Variants in STAB2 observed in about 807,000 individuals in gnomAD.
The protein encoded by STAB2 is stabilin 2, also known as stabilin-2.
STAB2 carries 288 observed loss-of-function variants against 338.1 expected under a neutral mutation model. The observed-to-expected ratio is 0.85, with a 90% confidence interval of 0.77 to 0.94. The LOEUF (loss-of-function observed/expected upper bound fraction) is 0.94, where lower values mean the gene tolerates loss of function less well. Among genes scored for constraint, STAB2 ranks in the 40% least tolerant of loss-of-function variants. STAB2 has a pLI of 0.00. For missense variants in STAB2, 3,141 were observed against 3,210.1 expected (o/e 0.98, Z 0.52); for synonymous variants, 1,202 against 1,193.3 (o/e 1.01, Z -0.15).
At chr12:103,589,393 G>C (rs1243871997) in intron 1 of STAB2, among the ~76,000 whole-genome samples, 5 of 152,172 alleles carry the variant, frequency 3.3e-5, no homozygotes. Context: ...AAATGTGTTG[G>C]TAATGTCTTT....
intron 63 of STAB2, among the ~76,000 whole-genome samples, chr12:103,757,533 T>TG (rs960965461): frequency 6.6e-5 from 10 of 152,170 alleles, no homozygotes; most frequent in Admixed American, 2.6e-4. Context: ...GAGCAGGGCT[T>TG]GGGGGGCACC....
intron 67 of STAB2, chr12:103,763,259 G>A: frequency 1.9e-6 from 1 of 523,362 alleles, no homozygotes; most frequent in Non-Finnish European, 3.4e-6. Context: ...GTATGGAAAT[G>A]CCCTATGTGC....
chr12:103,729,733 G>A (rs1383794662), intron 48 of STAB2, among the ~76,000 whole-genome samples: 1 of 152,192 alleles, frequency 6.6e-6, no homozygotes, highest in Non-Finnish European at 1.5e-5. Flanking sequence ...CACTTGACCA[G>A]ACTGGTCCAG....
rs751375826 is a variant in STAB2 at position 103,726,198 on chromosome 12, T to C, written c.4851+35T>C. Reference sequence around the variant, plus strand: ...ATACATGTCTGTCTAGCCATAAGAGTTCAGCCTAGGCCAGGTGCAGTGGCT... The same window carrying C: ...ATACATGTCTGTCTAGCCATAAGAGCTCAGCCTAGGCCAGGTGCAGTGGCT... On this transcript the variant is annotated intron_variant, in intron 46 of 68. Transcript: ENST00000388887. 4.3e-6 allele frequency: 7 copies of C among 1,611,894 alleles called. No homozygotes were observed. In the South Asian group the frequency reaches 6.6e-5, roughly 15 times the overall value.
At chr12:103,646,455 A>G (rs1161977798) in intron 9 of STAB2, among the ~76,000 whole-genome samples, 1 of 152,134 alleles carries the variant, frequency 6.6e-6, no homozygotes, top group Non-Finnish European at 1.5e-5. Flanking sequence ...TCTGCCAAGC[A>G]TTGAGCTTTT....
chr12:103,750,770 G>A (rs1206502368), intron 60 of STAB2, 50 bp downstream of exon 60: 4 of 1,564,946 alleles, frequency 2.6e-6, no homozygotes, highest in East Asian at 4.6e-5. Flanking sequence ...CTTCAGGCCT[G>A]GGGAAGGGAC....
At chr12:103,705,603 G>T in intron 36 of STAB2, 29 bp from the exon 37 acceptor site, 2 of 1,607,118 alleles carry the variant, frequency 1.2e-6, no homozygotes, top group Non-Finnish European at 1.7e-6. Context: ...CCTAACTTAG[G>T]AGCTGACGTA....
intron 55 of STAB2, 75 bp from the exon 56 acceptor site, chr12:103,742,330 C>G (rs1383012836): frequency 1.3e-6 from 2 of 1,558,228 alleles, no homozygotes; most frequent in African/African-American, 1.4e-5. Flanking sequence ...TCAGATGCCA[C>G]AGCACATTTA....
At chr12:103,672,926 G>A (rs1407930952) in intron 22 of STAB2, among the ~76,000 whole-genome samples, 4 of 152,118 alleles carry the variant, frequency 2.6e-5, no homozygotes, top group Admixed American at 2.0e-4. Context: ...TGGGAATTTA[G>A]CAGCAAGTTG....
intron 3 of STAB2, among the ~76,000 whole-genome samples, chr12:103,603,055 C>CT (rs1212663839): frequency 2.6e-5 from 4 of 151,750 alleles, no homozygotes; most frequent in South Asian, 2.1e-4. Context: ...CAAGTTAATT[C>CT]TTTTTTTTGT....
intron 3 of STAB2, among the ~76,000 whole-genome samples, chr12:103,607,503 A>C (rs981788902): frequency 6.7e-6 from 1 of 149,688 alleles, no homozygotes; most frequent in Non-Finnish European, 1.5e-5. Flanking sequence ...CGTCATTTAC[A>C]TTAGGTATAT....
At chr12:103,687,285 C>A (rs1877513735) in intron 27 of STAB2, among the ~76,000 whole-genome samples, 1 of 151,884 alleles carries the variant, frequency 6.6e-6, no homozygotes, top group Admixed American at 6.6e-5. Flanking sequence ...AATGGCAGAT[C>A]CAAGAAGTGA....
At chr12:103,683,653 T>G (rs1877134179) in intron 26 of STAB2, among the ~76,000 whole-genome samples, 1 of 152,230 alleles carries the variant, frequency 6.6e-6, no homozygotes, top group African/African-American at 2.4e-5. Flanking sequence ...TATTTTTATT[T>G]GCTAAACCTG....
intron 3 of STAB2, among the ~76,000 whole-genome samples, chr12:103,615,685 T>G (rs1957199569): frequency 6.6e-6 from 1 of 152,178 alleles, no homozygotes; most frequent in African/African-American, 2.4e-5. Context: ...GGAAAGAGGT[T>G]TAATTGGCTC....
chr12:103,622,827 C>A (rs146889893), intron 5 of STAB2, among the ~76,000 whole-genome samples: 1 of 152,350 alleles, frequency 6.6e-6, no homozygotes, highest in Non-Finnish European at 1.5e-5. Context: ...CTGTTCTTTG[C>A]CTGCCCAGCT....
At chr12:103,650,127 A>G (rs1169559682) in intron 10 of STAB2, among the ~76,000 whole-genome samples, 1 of 152,116 alleles carries the variant, frequency 6.6e-6, no homozygotes, top group Non-Finnish European at 1.5e-5. Flanking sequence ...CTGGCCCTGG[A>G]TAAAAACAAG....
chr12:103,711,298 T>C, intron 39 of STAB2, 173 bp from the exon 40 acceptor site: 1 of 802,928 alleles, frequency 1.2e-6, no homozygotes, highest in South Asian at 1.9e-5. Flanking sequence ...AGATTTGGCT[T>C]TGAGCTTCAT....
At chr12:103,755,513 G>A (rs949746255) in intron 62 of STAB2, 46 bp downstream of exon 62, 2 of 1,609,790 alleles carry the variant, frequency 1.2e-6, no homozygotes, top group East Asian at 4.5e-5. Flanking sequence ...CACAGCTGCT[G>A]AGCAATCCTC....
At chr12:103,721,480 A>AT (rs1304884935) in intron 44 of STAB2, among the ~76,000 whole-genome samples, 2 of 152,084 alleles carry the variant, frequency 1.3e-5, no homozygotes, top group East Asian at 1.9e-4. Context: ...TGGAGCTTAT[A>AT]TTTTTTTCCA....
Sources: allele counts gnomAD v4.1 joint callset (sites outside exome capture counted in the v4.1 genomes callset), GRCh38; gene constraint gnomAD v4.1.1; transcripts MANE v1.5; gene names NCBI Gene and HGNC (gene_info 2026-07-23, HGNC 2026-07-21).